PLXNA2: variants seen among roughly 807,000 people sequenced by gnomAD.
The protein encoded by PLXNA2 is plexin A2, also known as plexin-A2.
A neutral mutation model predicts 193.5 loss-of-function variants in PLXNA2; 91 were observed. That is an observed-to-expected ratio of 0.47 (90% CI 0.40 to 0.56). PLXNA2 has a LOEUF of 0.56. Among genes scored for constraint, PLXNA2 ranks in the 20% least tolerant of loss-of-function variants. The probability of loss-of-function intolerance (pLI) is 0.00; values close to 1 mark genes in which losing one functional copy is unlikely to be tolerated. For synonymous variants in PLXNA2, 997 were observed against 1,027.3 expected (o/e 0.97, Z 0.56); for missense variants, 1,995 against 2,503.2 (o/e 0.80, Z 4.33).
intron 4 of PLXNA2, among the ~76,000 whole-genome samples, chr1:208,135,227 T>C (rs1383826729): frequency 1.3e-5 from 2 of 152,170 alleles, no homozygotes; most frequent in Non-Finnish European, 2.9e-5. Flanking sequence ...TCTTTCCAAA[T>C]AATTTTTGTT....
intron 1 of PLXNA2, among the ~76,000 whole-genome samples, chr1:208,235,574 T>G (rs1448255420): frequency 1.3e-5 from 2 of 152,156 alleles, no homozygotes; most frequent in Non-Finnish European, 2.9e-5. Context: ...TAACCTCTTA[T>G]CTCCCTCCTG....
rs148313054 is a variant in PLXNA2 at position 208,079,625 on chromosome 1, G to A, written c.2396-175C>T. ...AATTAGTAAATTGAGCCTCTTACCA[G>A]TCACTTAAGGGCACTAGGAAGAATA... On this transcript the variant is annotated intron_variant, in intron 11 of 31. Transcript: ENST00000367033. Among the ~76,000 whole-genome samples the A allele has an allele frequency of 3.1e-3, 466 of 152,298 alleles. 1 individual carries two copies. Among genetic ancestry groups the A allele is most frequent in the South Asian group, 4.8e-3 (23 of 4,814 alleles).
chr1:208,243,394 C>G (rs2102658061), intron 1 of PLXNA2, among the ~76,000 whole-genome samples: 2 of 152,108 alleles, frequency 1.3e-5, no homozygotes, highest in Middle Eastern at 3.4e-3. Context: ...AGCCGGCGGG[C>G]TGCCGGCCGG....
chr1:208,060,805 C>T lies in PLXNA2; in HGVS notation c.2619G>A (p.Gly873=), dbSNP rs753311464. 2 of 1,614,094 alleles carry T rather than the reference C, an allele frequency of 1.2e-6. No individual in the cohort carries two copies. The highest frequency in any genetic ancestry group is 1.7e-6 in the Non-Finnish European group (2 of 1,180,004). The change falls in exon 13 of 32, where the codon GGG becomes GGA. Residue 873 remains glycine, a synonymous_variant. Coordinates refer to ENST00000367033, the MANE Select transcript of PLXNA2 (RefSeq NM_025179.4). The part of the protein sequence containing the change: ...ILTVSGPPEG[G]TRVTIHGVNL... ...TCACGCCATGGATGGTCACTCGCGT[C>T]CCTCCTTCCGGCGGTCCAGACACCG... is the stretch of plus-strand genomic sequence containing the variant.
chr1:208,197,969 G>T (rs563509778), intron 3 of PLXNA2, among the ~76,000 whole-genome samples: 8 of 152,232 alleles, frequency 5.3e-5, no homozygotes, highest in Admixed American at 2.6e-4. Flanking sequence ...GCAAATCCCA[G>T]GTGCGCCCCA....
Position 208,079,286 on chromosome 1 carries a change from T to C in PLXNA2, c.2560A>G (p.Lys854Glu). The C allele has an allele frequency of 6.2e-7, 1 of 1,611,072 alleles. No individual in the cohort carries two copies. The highest frequency in any genetic ancestry group is 2.2e-5 in the East Asian group (1 of 44,768). ...PWLDWSSHNV[K>E]CSNPQITEIL... The stretch of plus-strand genomic sequence containing the variant: ...TCGGTGATTTGAGGGTTGGAGCACT[T>C]GACATTGTGGCTGGACCAGTCGAGC... Residue 854 changes from lysine to glutamate, a missense_variant, in exon 12 of 32, where the codon AAG (lysine) becomes GAG (glutamate). Around this residue, in one of 3 missense-constraint regions of PLXNA2, gnomAD observed 1,291 missense variants for 1,673.6 expected, o/e 0.77. Coordinates refer to ENST00000367033, the MANE Select transcript of PLXNA2 (RefSeq NM_025179.4).
chr1:208,052,242 C>A, intron 15 of PLXNA2, 85 bp downstream of exon 15: 2 of 1,365,960 alleles, frequency 1.5e-6, no homozygotes, highest in Non-Finnish European at 1.0e-6. Flanking sequence ...ATGGGGCAGG[C>A]CTATGAATGA....
chr1:208,110,555 T>G (rs1483678392), intron 4 of PLXNA2, among the ~76,000 whole-genome samples: 1 of 152,204 alleles, frequency 6.6e-6, no homozygotes, highest in Non-Finnish European at 1.5e-5. Flanking sequence ...TATCCAGTAT[T>G]TACCGCATGC....
At chr1:208,100,084 T>A (rs1009042415) in intron 5 of PLXNA2, among the ~76,000 whole-genome samples, 4 of 151,420 alleles carry the variant, frequency 2.6e-5, no homozygotes, top group African/African-American at 9.7e-5. Context: ...AAAAAAAAAA[T>A]AAGGATTGGC....
intron 2 of PLXNA2, among the ~76,000 whole-genome samples, chr1:208,210,772 T>C (rs998037734): frequency 6.6e-6 from 1 of 152,228 alleles, no homozygotes; most frequent in Non-Finnish European, 1.5e-5. Flanking sequence ...GAACTCATTT[T>C]CTATTTATTT....
intron 2 of PLXNA2, among the ~76,000 whole-genome samples, chr1:208,211,225 A>G (rs1351352926): frequency 6.6e-6 from 1 of 152,228 alleles, no homozygotes; most frequent in Non-Finnish European, 1.5e-5. Context: ...AACTCTTTCC[A>G]CTATTGTGCA....
chr1:208,229,910 T>C (rs1281257342), intron 1 of PLXNA2, among the ~76,000 whole-genome samples: 1 of 152,194 alleles, frequency 6.6e-6, no homozygotes, highest in Non-Finnish European at 1.5e-5. Context: ...CAGCGCTGGA[T>C]GGCGCAGAGA....
chr1:208,123,049 C>G (rs577702040), intron 4 of PLXNA2, among the ~76,000 whole-genome samples: 72 of 152,264 alleles, frequency 4.7e-4, no homozygotes, highest in Middle Eastern at 3.4e-3. Flanking sequence ...CAAAAGAAAC[C>G]CCATACCCAT....
intron 1 of PLXNA2, among the ~76,000 whole-genome samples, chr1:208,219,181 G>A (rs1671240276): frequency 6.6e-6 from 1 of 152,196 alleles, no homozygotes; most frequent in South Asian, 2.1e-4. Context: ...GAGCCTTGGT[G>A]CTTATTCTTC....
rs1194881758 is a variant in PLXNA2, at chr1:208,028,712, T to G, written c.5438+118A>C. The G allele has an allele frequency of 2.2e-5, 18 of 828,586 alleles. No homozygotes were observed. The highest frequency in any genetic ancestry group is 6.3e-5 in the South Asian group (3 of 47,406). The allele number at this position is 828,586 out of a possible 1,614,324, so 51.3% of individuals were successfully genotyped here. On this transcript the variant is annotated intron_variant, in intron 30 of 31. Coordinates refer to ENST00000367033, the MANE Select transcript of PLXNA2 (RefSeq NM_025179.4). The surrounding 1 kb of genome is among the most constrained non-coding windows in gnomAD (Gnocchi z 4.2). ...GCAGGGGGTGTGGCAGGGAGGGGAG[T>G]GGGAGGTCCTGAAGAGATGACAGAC...
chr1:208,035,162 C>T (rs1664632248), intron 26 of PLXNA2, among the ~76,000 whole-genome samples: 1 of 151,808 alleles, frequency 6.6e-6, no homozygotes, highest in Admixed American at 6.6e-5. Flanking sequence ...CACAAGTATT[C>T]CCATTTTACA....
chr1:208,220,299 C>G (rs1378640257), intron 1 of PLXNA2, among the ~76,000 whole-genome samples: 1 of 152,074 alleles, frequency 6.6e-6, no homozygotes, highest in Admixed American at 6.5e-5. Flanking sequence ...AGTCTCATGT[C>G]CCTTTCTGGT....
chr1:208,222,708 C>A (rs891287979), intron 1 of PLXNA2, among the ~76,000 whole-genome samples: 1 of 152,186 alleles, frequency 6.6e-6, no homozygotes. Context: ...CTCCTATTGC[C>A]CTTTTCAGGA....
intron 5 of PLXNA2, 131 bp from the exon 6 acceptor site, chr1:208,099,100 G>A (rs538382690): frequency 4.8e-4 from 532 of 1,114,634 alleles, no homozygotes; most frequent in Middle Eastern, 9.2e-4. Context: ...GACTTTTACT[G>A]TACTCCGGAG....
Sources: gnomAD v4.1 joint callset for allele counts (sites outside exome capture counted in the v4.1 genomes callset) on GRCh38, gnomAD v4.1.1 for gene constraint, gnomAD v4.1.1 regional missense constraint, Gnocchi (gnomAD v3.1) non-coding constraint, MANE v1.5 for transcripts, NCBI Gene and HGNC (gene_info 2026-07-23, HGNC 2026-07-21) for gene names.